The following TRIM42 variants were observed in gnomAD, a reference collection of about 807,000 sequenced individuals.
TRIM42 encodes the protein tripartite motif-containing protein 42.
TRIM42 carries 59 observed loss-of-function variants against 64.9 expected under a neutral mutation model. The observed-to-expected ratio is 0.91, with a 90% CI of 0.74 to 1.13. The LOEUF is 1.13. TRIM42 is among the 50% of genes most tolerant of loss of function. The pLI, the probability that TRIM42 is intolerant of heterozygous loss-of-function variation, is 0.00. For missense variants in TRIM42, 878 were observed against 929.5 expected, an observed-to-expected ratio of 0.94 and a Z score of 0.72; for synonymous variants, 354 against 346.3, an observed-to-expected ratio of 1.02 and a Z score of -0.25.
In TRIM42 at chr3:140,682,753, C is replaced by T. The variant is rs1475368922; in HGVS notation, c.633C>T (p.His211=). The change falls in exon 2 of 5, where the codon CAC becomes CAT. Residue 211 remains histidine (H), a synonymous_variant. Transcript: ENST00000286349. Reference sequence around the variant, plus strand: ...TGCAGCTGCCCGAGAACTACCTGCACGGGCGTCTCACCAAGCGCTACATGC... The same window carrying T: ...TGCAGCTGCCCGAGAACTACCTGCATGGGCGTCTCACCAAGCGCTACATGC... The part of the protein sequence containing the change: ...NKMQLPENYL[H]GRLTKRYMQE... 3.1e-6 allele frequency: 5 copies of T among 1,612,958 alleles called. No homozygotes were observed. Among genetic ancestry groups the T allele is most frequent in the East Asian group, 2.2e-5 (1 of 44,896 alleles).
chr3:140,700,801 T>C, intron 4 of TRIM42, 87 bp from the exon 5 acceptor site: 1 of 1,158,514 alleles, frequency 8.6e-7, no homozygotes, highest in South Asian at 1.3e-5. Flanking sequence ...AATGAAATGA[T>C]GTGTGTAGTG....
At position 140,691,038 on chromosome 3, in the gene TRIM42, C is replaced by G; in HGVS notation, c.1931C>G (p.Pro644Arg). ...GAATTCTATGAAGTCATTACTTCTCCTCCTAACAACGTACAAATGGAGCTC... is the reference window on the plus strand; with the variant it reads ...GAATTCTATGAAGTCATTACTTCTCGTCCTAACAACGTACAAATGGAGCTC... ...EMEFYEVITS[P>R]PNNVQMELCG... The change falls in exon 4 of 5, where the codon CCT (proline) becomes CGT (arginine). Residue 644 changes from proline (P) to arginine (R), a missense_variant. Coordinates refer to ENST00000286349, the MANE Select transcript of TRIM42 (RefSeq NM_152616.5). 1 of 1,614,078 alleles carries G rather than the reference C, an allele frequency of 6.2e-7. No homozygotes were observed.
At chr3:140,679,055 C>T (rs1182356518) in intron 1 of TRIM42, among the ~76,000 whole-genome samples, 1 of 57,002 alleles carries the variant, frequency 1.8e-5, no homozygotes, top group Non-Finnish European at 4.7e-5. Flanking sequence ...GGAGACAATA[C>T]CCCCCCCATG....
chr3:140,686,153 A>G (rs1280821531), intron 2 of TRIM42, among the ~76,000 whole-genome samples: 5 of 152,178 alleles, frequency 3.3e-5, no homozygotes, highest in Non-Finnish European at 7.3e-5. Context: ...AGCCTAATCA[A>G]TCCCTAATAC....
chr3:140,694,921 A>G (rs1336227474), intron 4 of TRIM42, among the ~76,000 whole-genome samples: 2 of 151,988 alleles, frequency 1.3e-5, no homozygotes, highest in Non-Finnish European at 2.9e-5. Context: ...CTTTGAGCCC[A>G]CCTGATAATT....
In TRIM42 at chr3:140,694,718, T is replaced by G. The variant is rs141653870; in HGVS notation, c.2085+3526T>G. ...TGGGTAAAATCTGTGTCAGCCATATTGCATTCCTTCTGAAGGGCCTGAGGG... is the reference window on the plus strand; with the variant it reads ...TGGGTAAAATCTGTGTCAGCCATATGGCATTCCTTCTGAAGGGCCTGAGGG... On this transcript the variant is annotated intron_variant, in intron 4 of 4. Transcript: ENST00000286349. Among the ~76,000 whole-genome samples, 282 of 152,362 alleles carry G rather than the reference T, an allele frequency of 1.9e-3. 1 individual carries two copies. Among genetic ancestry groups the G allele is most frequent in the African/African-American group, 6.5e-3 (269 of 41,578 alleles).
Position 140,688,208 on chromosome 3 carries a change from C to T in TRIM42, c.1526C>T (p.Pro509Leu). The T allele has an allele frequency of 6.2e-7, 1 of 1,614,248 alleles. No individual in the cohort carries two copies. Among genetic ancestry groups the T allele is most frequent in the Non-Finnish European group, 8.5e-7 (1 of 1,180,050 alleles). ...SSGDSLPSPY[P>L]VHSETMIARK... ...GGGGACTCCCTGCCCTCCCCCTACC[C>T]CGTGCACTCAGAAACAATGATTGCC... is the stretch of plus-strand genomic sequence containing the variant. The change falls in exon 3 of 5, where the codon CCC (proline) becomes CTC (leucine). Residue 509 changes from proline (P) to leucine (L), a missense_variant. By Grantham distance (98) the Pro-to-Leu change is moderately conservative (BLOSUM62 -3). Coordinates refer to ENST00000286349, the MANE Select transcript of TRIM42 (RefSeq NM_152616.5).
intron 3 of TRIM42, 67 bp downstream of exon 3, chr3:140,688,609 C>T: frequency 7.4e-7 from 1 of 1,343,778 alleles, no homozygotes; most frequent in Non-Finnish European, 1.0e-6. Flanking sequence ...AGTGAGTAGT[C>T]AGGAAAGGTT....
intron 2 of TRIM42, among the ~76,000 whole-genome samples, chr3:140,684,480 G>A (rs1988498289): frequency 6.6e-6 from 1 of 152,276 alleles, no homozygotes; most frequent in African/African-American, 2.4e-5. Context: ...ATTCAGATAG[G>A]CCTACACATT....
intron 4 of TRIM42, among the ~76,000 whole-genome samples, chr3:140,692,900 G>A (rs1988758356): frequency 6.6e-6 from 1 of 152,204 alleles, no homozygotes; most frequent in South Asian, 2.1e-4. Context: ...AGATGCCAGG[G>A]AAAGAACGGG....
chr3:140,682,631 C>T lies in TRIM42; in HGVS notation c.511C>T (p.Arg171Trp), dbSNP rs746325715. Residue 171 changes from arginine to tryptophan, a missense_variant, in exon 2 of 5, where the codon CGG (arginine) becomes TGG (tryptophan). Coordinates refer to ENST00000286349, the MANE Select transcript of TRIM42 (RefSeq NM_152616.5). ...CNHSLCEKCL[R>W]QLQKHAEVTE... ...CCACAGCCTGTGCGAGAAGTGCCTG[C>T]GGCAGCTGCAGAAGCACGCCGAGGT... is the stretch of plus-strand genomic sequence containing the variant. The T allele has an allele frequency of 2.5e-6, 4 of 1,613,984 alleles. No individual in the cohort carries two copies. Among genetic ancestry groups the T allele is most frequent in the Admixed American group, 1.7e-5 (1 of 60,008 alleles).
In TRIM42 at chr3:140,700,900, G is replaced by C; in HGVS notation, c.2098G>C (p.Asp700His). The change falls in exon 5 of 5, where the codon GAT (aspartate) becomes CAT (histidine). Residue 700 changes from aspartate (D) to histidine (H), a missense_variant. Physicochemically the swap from Asp to His is moderately conservative, Grantham distance 81 (BLOSUM62 -1). Coordinates refer to ENST00000286349, the MANE Select transcript of TRIM42 (RefSeq NM_152616.5). ...WSDICKVVTPDGHGKNRAKWG... is the reference protein window; with the variant it reads ...WSDICKVVTPHGHGKNRAKWG... Reference sequence around the variant, plus strand: ...CTTCTGATTGCAGGTGGTAACACCAGATGGACATGGGAAGAACCGAGCTAA... The same window carrying C: ...CTTCTGATTGCAGGTGGTAACACCACATGGACATGGGAAGAACCGAGCTAA... 1 of 1,614,120 alleles carries C rather than the reference G, an allele frequency of 6.2e-7. No individual in the cohort carries two copies. The highest frequency in any genetic ancestry group is 2.2e-5 in the East Asian group (1 of 44,882).
chr3:140,695,559 G>A (rs555262728), intron 4 of TRIM42, among the ~76,000 whole-genome samples: 2 of 152,242 alleles, frequency 1.3e-5, no homozygotes, highest in Admixed American at 1.3e-4. Context: ...CATCCTCGGT[G>A]TCTGATGGGG....
intron 2 of TRIM42, 119 bp downstream of exon 2, chr3:140,683,278 G>A: frequency 9.4e-7 from 1 of 1,066,348 alleles, no homozygotes; most frequent in Admixed American, 2.2e-5. Flanking sequence ...GAGCAATCAA[G>A]GCACCAGGAA....
chr3:140,693,148 G>A (rs965738956), intron 4 of TRIM42, among the ~76,000 whole-genome samples: 7 of 152,196 alleles, frequency 4.6e-5, no homozygotes, highest in African/African-American at 1.7e-4. Flanking sequence ...AATAAGGAAT[G>A]TCTAAATTAA....
intron 1 of TRIM42, among the ~76,000 whole-genome samples, chr3:140,679,180 A>T (rs1206699263): frequency 1.3e-5 from 2 of 152,196 alleles, no homozygotes; most frequent in Non-Finnish European, 2.9e-5. Flanking sequence ...TTAATGGAAA[A>T]GAAAGAACTT....
At chr3:140,685,215 G>A (rs138047462) in intron 2 of TRIM42, among the ~76,000 whole-genome samples, 7 of 152,276 alleles carry the variant, frequency 4.6e-5, no homozygotes, top group African/African-American at 1.7e-4. Flanking sequence ...TTATTCAAAA[G>A]CAAGTGATCT....
At position 140,678,158 on chromosome 3, in the gene TRIM42, G is replaced by T; in HGVS notation, c.-72G>T. The T allele has an allele frequency of 7.3e-7, 1 of 1,371,434 alleles. No individual in the cohort carries two copies. The allele number at this position is 1,371,434 out of a possible 1,614,324, so 85.0% of individuals were successfully genotyped here. ...TGGGAGGAAGGACTCCTCCACTGGA[G>T]AACTGATAGCAGTATTCTGGTAGAG... On this transcript the variant is annotated 5_prime_UTR_variant, in exon 1 of 5. Coordinates refer to ENST00000286349, the MANE Select transcript of TRIM42 (RefSeq NM_152616.5).
chr3:140,687,744 C>G lies in TRIM42; in HGVS notation c.1062C>G (p.Asp354Glu). The change falls in exon 3 of 5, where the codon GAC (aspartate) becomes GAG (glutamate). Residue 354 changes from aspartate to glutamate, a missense_variant. Coordinates refer to ENST00000286349, the MANE Select transcript of TRIM42 (RefSeq NM_152616.5). The part of the protein sequence containing the change: ...FKAVRYEIDN[D>E]LMEFNILKNS... ...CAGTCCGATATGAAATTGATAATGA[C>G]CTAATGGAATTCAACATCTTAAAAA... The G allele has an allele frequency of 6.2e-7, 1 of 1,612,208 alleles. No individual in the cohort carries two copies. Among genetic ancestry groups the G allele is most frequent in the South Asian group, 1.1e-5 (1 of 90,662 alleles).
Sources: gnomAD v4.1 joint callset for allele counts (sites outside exome capture counted in the v4.1 genomes callset) on GRCh38, gnomAD v4.1.1 for gene constraint, MANE v1.5 for transcripts, NCBI Gene and HGNC (gene_info 2026-07-23, HGNC 2026-07-21) for gene names.